ANKRD18B: variants seen among roughly 807,000 people sequenced by gnomAD.
The protein encoded by ANKRD18B is ankyrin repeat domain 18B.
ANKRD18B carries 75 observed loss-of-function variants against 111.8 expected under a neutral mutation model. The ratio of observed to expected loss-of-function variants is 0.67; its 90% CI spans 0.56 to 0.81. The LOEUF is 0.81. Ranked by LOEUF, ANKRD18B falls within the 40% of genes least tolerant of loss-of-function variation. ANKRD18B has a pLI of 0.00. For synonymous variants in ANKRD18B, 356 were observed against 417.3 expected (o/e 0.85, Z 1.79); for missense variants, 1,038 against 1,225.5 (o/e 0.85, Z 2.28).
Position 33,568,738 on chromosome 9 carries a change from C to G in ANKRD18B, c.3022C>G (p.Leu1008Val). 1 of 1,551,394 alleles carries G rather than the reference C, an allele frequency of 6.4e-7. No homozygotes were observed. The highest frequency in any genetic ancestry group is 2.0e-5 in the Admixed American group (1 of 50,980). The change falls in exon 17 of 19, where the codon CTC (leucine) becomes GTC (valine). Residue 1008 changes from leucine (L) to valine (V), a missense_variant. By Grantham distance (32) the Leu-to-Val change is conservative. Around this residue, in one of 4 missense-constraint regions of ANKRD18B, gnomAD observed 524 missense variants for 677.9 expected, o/e 0.77. Coordinates refer to ENST00000684830, the MANE Select transcript of ANKRD18B (RefSeq NM_001393611.1). ...FMEKERMEYF[L>V]STLPMRPDPE... ...GGAGAAAGAGCGGATGGAATATTTT[C>G]TCAGCACTCTTCCTATGAGGCCAGA...
At chr9:33,558,005 TTAAA>T in intron 13 of ANKRD18B, 49 bp from the exon 14 acceptor site, 1 of 1,423,734 alleles carries the variant, frequency 7.0e-7, no homozygotes, top group Middle Eastern at 2.0e-4. Context: ...TAAACAATTA[TTAAA>T]TATTTACTCT....
In ANKRD18B at chr9:33,548,003, T is replaced by A; in HGVS notation, c.1215T>A (p.Ile405=). ...GAAATTTTATGTTGAAGAGAGACAT[T>A]GCCATGCTCAAAGAGGAATTATATG... ...MFGNFMLKRD[I]AMLKEELYAI... is the part of the protein sequence containing the mutation. Residue 405 remains isoleucine, a synonymous_variant, in exon 11 of 19, where the codon ATT becomes ATA. Coordinates refer to ENST00000684830, the MANE Select transcript of ANKRD18B (RefSeq NM_001393611.1). The A allele has an allele frequency of 6.7e-7, 1 of 1,498,370 alleles. No homozygotes were observed. Among genetic ancestry groups the A allele is most frequent in the South Asian group, 1.4e-5 (1 of 73,874 alleles). The allele number at this position is 1,498,370 out of a possible 1,614,324, so 92.8% of individuals were successfully genotyped here.
In ANKRD18B at chr9:33,548,253, G is replaced by A. The variant is rs981213270; in HGVS notation, c.1465G>A (p.Glu489Lys). The change falls in exon 11 of 19, where the codon GAA becomes AAA. Residue 489 changes from glutamate to lysine, a missense_variant. By Grantham distance (56) the Glu-to-Lys change is moderately conservative (BLOSUM62 1). This residue lies in a region of ANKRD18B where 205 missense variants were observed against 201.3 expected (regional missense o/e 1.02). Coordinates refer to ENST00000684830, the MANE Select transcript of ANKRD18B (RefSeq NM_001393611.1). Reference protein sequence around the residue: ...EKHNKERLEAEVESLHSNLAT... With the variant: ...EKHNKERLEAKVESLHSNLAT... Reference sequence around the variant, plus strand: ...ACACAACAAAGAAAGACTAGAAGCTGAAGTTGAATCCCTCCATTCTAACTT... The same window carrying A: ...ACACAACAAAGAAAGACTAGAAGCTAAAGTTGAATCCCTCCATTCTAACTT... The A allele has an allele frequency of 6.4e-7, 1 of 1,551,044 alleles. No individual in the cohort carries two copies. Among genetic ancestry groups the A allele is most frequent in the African/African-American group, 1.4e-5 (1 of 73,010 alleles).
Position 33,572,546 on chromosome 9 carries a change from G to T in ANKRD18B, c.*112G>T. On this transcript the variant is annotated 3_prime_UTR_variant, in exon 19 of 19. Transcript: ENST00000684830. ...GTAGAATATTTTCATATCATATGATGTATATTTATATGTTATTTTAAATGA... is the reference window on the plus strand; with the variant it reads ...GTAGAATATTTTCATATCATATGATTTATATTTATATGTTATTTTAAATGA... 7.5e-7 allele frequency: 1 copy of T among 1,337,604 alleles called. No individual in the cohort carries two copies. Among genetic ancestry groups the T allele is most frequent in the Non-Finnish European group, 9.7e-7 (1 of 1,034,276 alleles). 82.9% of individuals were successfully genotyped at this position (1,337,604 alleles called of 1,614,324 possible).
chr9:33,554,071 C>CA (rs921879899), intron 12 of ANKRD18B, among the ~76,000 whole-genome samples: 58 of 103,330 alleles, frequency 5.6e-4, no homozygotes, highest in Middle Eastern at 6.7e-3. Context: ...GACTCCATCT[C>CA]AAAAAAAAAA....
chr9:33,568,910 T>C lies in ANKRD18B; in HGVS notation c.3177+17T>C, dbSNP rs1240688549. On this transcript the variant is annotated intron_variant, in intron 17 of 18. Transcript: ENST00000684830. Reference sequence around the variant, plus strand: ...TTGACTGAGGTTAGTTATATGACCATTTCTCTTTTGGGTTTCATTTCTCTA... The same window carrying C: ...TTGACTGAGGTTAGTTATATGACCACTTCTCTTTTGGGTTTCATTTCTCTA... 2.0e-6 allele frequency: 3 copies of C among 1,514,240 alleles called. No homozygotes were observed. The highest frequency in any genetic ancestry group is 8.8e-7 in the Non-Finnish European group (1 of 1,131,040). The allele number at this position is 1,514,240 out of a possible 1,614,324, so 93.8% of individuals were successfully genotyped here. A position where few individuals can be genotyped will look rare whatever the true frequency, so the allele number is the denominator to read the frequency against.
intron 16 of ANKRD18B, among the ~76,000 whole-genome samples, chr9:33,568,122 A>AATGGGTGAAATGTAC (rs1828714838): frequency 6.6e-6 from 1 of 152,174 alleles, no homozygotes; most frequent in Non-Finnish European, 1.5e-5. Context: ...GTTCTTAGAG[A>AATGGGTGAAATGTAC]ATGGGTGAAA....
At chr9:33,571,602 T>A (rs1828777147) in intron 18 of ANKRD18B, 1 of 154,366 alleles carries the variant, frequency 6.5e-6, no homozygotes, top group African/African-American at 2.4e-5. Flanking sequence ...GAAACGATTC[T>A]CCAAAAACAA....
intron 10 of ANKRD18B, among the ~76,000 whole-genome samples, chr9:33,545,398 CT>C (rs576170886): frequency 1.3e-5 from 2 of 152,254 alleles, no homozygotes; most frequent in East Asian, 3.9e-4. Context: ...TCCAAAAAGT[CT>C]TTTTGATTTG....
At chr9:33,547,846 T>C (rs922028342) in intron 10 of ANKRD18B, 92 bp from the exon 11 acceptor site, 7 of 904,870 alleles carry the variant, frequency 7.7e-6, no homozygotes, top group African/African-American at 7.0e-5. Flanking sequence ...CAACTTTTAA[T>C]TGCATGAATG....
intron 1 of ANKRD18B, among the ~76,000 whole-genome samples, chr9:33,528,117 G>A (rs995601370): frequency 1.3e-5 from 2 of 152,222 alleles, no homozygotes; most frequent in East Asian, 3.9e-4. Flanking sequence ...TGGGCAACAA[G>A]GTGACATTCC....
At chr9:33,554,582 C>A (rs865827051) in intron 12 of ANKRD18B, among the ~76,000 whole-genome samples, 4 of 152,136 alleles carry the variant, frequency 2.6e-5, no homozygotes, top group Admixed American at 2.0e-4. Context: ...GAGGGCAGAT[C>A]ATGTGGTAAG....
chr9:33,551,514 C>T (rs1340993721), intron 12 of ANKRD18B, among the ~76,000 whole-genome samples: 1 of 152,108 alleles, frequency 6.6e-6, no homozygotes, highest in African/African-American at 2.4e-5. Flanking sequence ...ATATGAAGTC[C>T]TTTCTGACTG....
intron 14 of ANKRD18B, among the ~76,000 whole-genome samples, chr9:33,561,221 A>C (rs1828601986): frequency 6.6e-6 from 1 of 152,110 alleles, no homozygotes; most frequent in Non-Finnish European, 1.5e-5. Context: ...TTATTGAACA[A>C]AGATTTGGTC....
chr9:33,566,643 G>T, intron 15 of ANKRD18B, 143 bp downstream of exon 15: 1 of 973,104 alleles, frequency 1.0e-6, no homozygotes, highest in Non-Finnish European at 1.4e-6. Context: ...AAAAAGTGAC[G>T]TTTTTTCCTT....
intron 14 of ANKRD18B, among the ~76,000 whole-genome samples, 163 bp downstream of exon 14, chr9:33,558,350 C>T (rs191996526): frequency 2.6e-5 from 4 of 151,986 alleles, no homozygotes; most frequent in East Asian, 1.9e-4. Context: ...CTTGATGCTC[C>T]CCCTCCTGAC....
intron 6 of ANKRD18B, among the ~76,000 whole-genome samples, chr9:33,538,023 G>A (rs1306525970): frequency 1.3e-5 from 2 of 152,168 alleles, no homozygotes; most frequent in African/African-American, 2.4e-5. Flanking sequence ...GGTTGCAGAA[G>A]CAGAAGAAAA....
At chr9:33,545,539 A>G (rs1828342216) in intron 10 of ANKRD18B, among the ~76,000 whole-genome samples, 1 of 152,214 alleles carries the variant, frequency 6.6e-6, no homozygotes, top group Admixed American at 6.5e-5. Flanking sequence ...GGAACTTAGA[A>G]GCTCTTCTAA....
intron 3 of ANKRD18B, among the ~76,000 whole-genome samples, chr9:33,531,977 G>A (rs1828123714): frequency 1.3e-5 from 2 of 152,150 alleles, no homozygotes; most frequent in Non-Finnish European, 2.9e-5. Flanking sequence ...GCTCATGCTT[G>A]TAATCTCAGC....
Sources: allele counts gnomAD v4.1 joint callset (sites outside exome capture counted in the v4.1 genomes callset), GRCh38; gene constraint gnomAD v4.1.1; regional missense constraint gnomAD v4.1.1; transcripts MANE v1.5; gene names NCBI Gene and HGNC (gene_info 2026-07-23, HGNC 2026-07-21).